Variants in SRP72 observed in about 807,000 individuals in gnomAD.
SRP72 encodes the protein signal recognition particle 72, also known as signal recognition particle subunit SRP72.
Under a neutral mutation model 96.3 loss-of-function variants are expected in SRP72, and 49 were observed. The ratio of observed to expected loss-of-function variants is 0.51; its 90% CI spans 0.40 to 0.65. SRP72 has a LOEUF of 0.65. Ranked by LOEUF, SRP72 falls within the 30% of genes least tolerant of loss-of-function variation. The probability of loss-of-function intolerance (pLI) is 0.00; values close to 1 mark genes in which losing one functional copy is unlikely to be tolerated. For missense variants in SRP72, 736 were observed against 793.3 expected (o/e 0.93, Z 0.87); for synonymous variants, 267 against 275.2 (o/e 0.97, Z 0.30).
At position 56,469,614 on chromosome 4, in the gene SRP72, A is replaced by G. The variant is rs376843230; in HGVS notation, c.110-39A>G. On this transcript the variant is annotated intron_variant, in intron 1 of 18. Transcript: ENST00000642900. ...AATTTAGTAAAAATGTGAAAAGGAAATGGATTTAAAAATGACTTTTCCTAA... is the reference window on the plus strand; with the variant it reads ...AATTTAGTAAAAATGTGAAAAGGAAGTGGATTTAAAAATGACTTTTCCTAA... The G allele has an allele frequency of 1.9e-5, 28 of 1,512,380 alleles. No homozygotes were observed. In the African/African-American group the frequency reaches 3.4e-4, roughly 18 times the overall value. The allele number at this position is 1,512,380 out of a possible 1,614,324, so 93.7% of individuals were successfully genotyped here.
intron 5 of SRP72, chr4:56,475,985 A>G (rs1254456390): frequency 6.6e-6 from 1 of 152,310 alleles, no homozygotes; most frequent in Non-Finnish European, 1.5e-5. Flanking sequence ...ACTACAACCA[A>G]TAACATTAAA....
intron 1 of SRP72, among the ~76,000 whole-genome samples, chr4:56,468,680 G>T (rs1230782052): frequency 6.6e-6 from 1 of 152,200 alleles, no homozygotes; most frequent in Non-Finnish European, 1.5e-5. Context: ...AACGTGAAAA[G>T]TAGTGATTGT....
intron 6 of SRP72, among the ~76,000 whole-genome samples, chr4:56,477,572 C>T (rs544007579): frequency 7.2e-5 from 11 of 151,928 alleles, no homozygotes; most frequent in South Asian, 2.1e-4. Flanking sequence ...AGATTACAGG[C>T]GTGAACCACC....
chr4:56,493,947 A>G, intron 16 of SRP72, among the ~76,000 whole-genome samples: 1 of 152,222 alleles, frequency 6.6e-6, no homozygotes, highest in Non-Finnish European at 1.5e-5. Context: ...GTGATTGTAC[A>G]GGGCATAGAG....
chr4:56,482,534 T>C (rs1720543632), intron 8 of SRP72, among the ~76,000 whole-genome samples: 2 of 152,182 alleles, frequency 1.3e-5, no homozygotes. Flanking sequence ...ATAGCTTTTA[T>C]ATGCACTGGG....
In SRP72 at chr4:56,482,367, G is replaced by A. The variant is rs1330369954; in HGVS notation, c.826-772G>A. On this transcript the variant is annotated intron_variant, in intron 8 of 18. Transcript: ENST00000642900. ...GGAGACTGAGGCAGGAGAATGGCGTGAACCCGTGAGGCGGAGCTGGTAGTG... is the reference window on the plus strand; with the variant it reads ...GGAGACTGAGGCAGGAGAATGGCGTAAACCCGTGAGGCGGAGCTGGTAGTG... Among the ~76,000 whole-genome samples the A allele has an allele frequency of 2.4e-4, 37 of 151,576 alleles. 1 individual carries two copies. Among genetic ancestry groups the A allele is most frequent in the Non-Finnish European group, 4.4e-5 (3 of 67,946 alleles).
intron 16 of SRP72, among the ~76,000 whole-genome samples, chr4:56,493,061 G>C (rs1276243883): frequency 6.6e-6 from 1 of 151,634 alleles, no homozygotes; most frequent in African/African-American, 2.4e-5. Flanking sequence ...TTTTTGAGAC[G>C]GAGTCTTGCT....
At chr4:56,500,328 C>A (rs1721219248) in intron 17 of SRP72, 1 of 471,456 alleles carries the variant, frequency 2.1e-6, no homozygotes. Flanking sequence ...AACAAACCTG[C>A]ACGTTCTGCG....
In SRP72 at chr4:56,490,358, T is replaced by C; in HGVS notation, c.1346T>C (p.Leu449Ser). The C allele has an allele frequency of 6.2e-7, 1 of 1,613,778 alleles. No individual in the cohort carries two copies. The highest frequency in any genetic ancestry group is 8.5e-7 in the Non-Finnish European group (1 of 1,179,888). ...HQPKSPAHLS[L>S]IREAANFKLK... ...CCAAAATCTCCTGCTCATTTGTCCT[T>C]GATAAGAGAAGCTGCAAACTTCAAA... Residue 449 changes from leucine to serine, a missense_variant, in exon 14 of 19, where the codon TTG becomes TCG. Leu to Ser is a moderately radical substitution (Grantham distance 145). This residue lies in a region of SRP72 where 388 missense variants were observed against 431.8 expected (regional missense o/e 0.90). Transcript: ENST00000642900.
intron 17 of SRP72, among the ~76,000 whole-genome samples, chr4:56,497,275 A>G (rs1327576535): frequency 1.3e-5 from 2 of 148,580 alleles, no homozygotes; most frequent in South Asian, 2.1e-4. Flanking sequence ...GCTGGAGTGC[A>G]GTGGCGCTAT....
At chr4:56,484,150 C>T (rs1461865032) in intron 9 of SRP72, among the ~76,000 whole-genome samples, 3 of 149,944 alleles carry the variant, frequency 2.0e-5, no homozygotes, top group South Asian at 2.1e-4. Context: ...TCTCCTGCCT[C>T]ACCCTCCCGA....
At chr4:56,488,885 T>TTCTA (rs1720810647) in intron 12 of SRP72, among the ~76,000 whole-genome samples, 1 of 152,134 alleles carries the variant, frequency 6.6e-6, no homozygotes, top group Non-Finnish European at 1.5e-5. Context: ...TTTGTTTCCT[T>TTCTA]TCTATCCTCA....
chr4:56,490,719 C>A, intron 15 of SRP72, 74 bp downstream of exon 15: 1 of 1,305,430 alleles, frequency 7.7e-7, no homozygotes, highest in Non-Finnish European at 1.1e-6. Flanking sequence ...GTGTTTTGAC[C>A]AGAGCTTTTT....
intron 18 of SRP72, among the ~76,000 whole-genome samples, chr4:56,501,457 C>T (rs188518281): frequency 3.0e-4 from 45 of 152,152 alleles, no homozygotes; most frequent in Middle Eastern, 3.4e-3. Context: ...TTATTTTCTA[C>T]GCTTTCTAAA....
chr4:56,474,513 T>C (rs1720129023), intron 5 of SRP72, 122 bp downstream of exon 5: 1 of 837,344 alleles, frequency 1.2e-6, no homozygotes, highest in African/African-American at 1.7e-5. Context: ...CAGTGACAAT[T>C]TCTCCAAGTT....
chr4:56,483,764 A>G (rs1243537524), intron 9 of SRP72, among the ~76,000 whole-genome samples: 4 of 152,102 alleles, frequency 2.6e-5, no homozygotes, highest in Non-Finnish European at 4.4e-5. Flanking sequence ...TAGGGTTGAC[A>G]CCTTTTAAGG....
At chr4:56,469,970 G>C (rs1719904197) in intron 2 of SRP72, among the ~76,000 whole-genome samples, 197 bp downstream of exon 2, 1 of 133,868 alleles carries the variant, frequency 7.5e-6, no homozygotes, top group Non-Finnish European at 1.6e-5. Flanking sequence ...CAGCCTTAGA[G>C]AGTTTTTTTT....
intron 17 of SRP72, among the ~76,000 whole-genome samples, chr4:56,495,769 A>G (rs1721056388): frequency 6.6e-6 from 1 of 152,230 alleles, no homozygotes; most frequent in South Asian, 2.1e-4. Context: ...TGTTTCTGCT[A>G]CACATAACTA....
intron 15 of SRP72, 26 bp from the exon 16 acceptor site, chr4:56,491,405 G>C (rs1217341867): frequency 6.2e-7 from 1 of 1,609,132 alleles, no homozygotes; most frequent in African/African-American, 1.3e-5. Flanking sequence ...TGTATATTAT[G>C]TTCCTGAACT....
Sources: allele counts gnomAD v4.1 joint callset (sites outside exome capture counted in the v4.1 genomes callset), GRCh38; gene constraint gnomAD v4.1.1; regional missense constraint gnomAD v4.1.1; transcripts MANE v1.5; gene names NCBI Gene and HGNC (gene_info 2026-07-23, HGNC 2026-07-21).